The following DHX38 variants were observed in gnomAD, a reference collection of about 807,000 sequenced individuals.
The protein encoded by DHX38 is DEAH-box helicase 38, also known as pre-mRNA-splicing factor ATP-dependent RNA helicase PRP16.
In DHX38, 100 loss-of-function variants were observed where a neutral mutation model predicts 153.1. The ratio of observed to expected loss-of-function variants is 0.65; its 90% CI spans 0.56 to 0.77. The LOEUF (loss-of-function observed/expected upper bound fraction) is 0.77, where lower values mean the gene tolerates loss of function less well. DHX38 is among the 30% of genes least tolerant of loss of function. The pLI is 0.00. For synonymous variants in DHX38, 650 were observed against 631.7 expected (o/e 1.03, Z -0.43); for missense variants, 1,440 against 1,654.0 (o/e 0.87, Z 2.24).
intron 3 of DHX38, 176 bp from the exon 4 acceptor site, chr16:72,097,501 C>T (rs2042037462): frequency 1.8e-6 from 1 of 567,686 alleles, no homozygotes; most frequent in African/African-American, 1.9e-5. Flanking sequence ...TAGGCAGTAA[C>T]TATTTTTCCC....
chr16:72,108,661 A>G lies in DHX38; in HGVS notation c.3255+54A>G. ...CCAGCCTGATACCTGTATAAGGGCA[A>G]AGTTCTTCCTTTGTCCTGGTGTGGT... On this transcript the variant is annotated intron_variant, in intron 23 of 26. Coordinates refer to ENST00000268482, the MANE Select transcript of DHX38 (RefSeq NM_014003.4). The G allele has an allele frequency of 1.9e-6, 3 of 1,596,642 alleles. No individual in the cohort carries two copies. The South Asian group carries it at 3.4e-5, about 18-fold the overall frequency.
intron 24 of DHX38, 40 bp downstream of exon 24, chr16:72,108,965 T>G: frequency 6.4e-7 from 1 of 1,550,998 alleles, no homozygotes; most frequent in Admixed American, 2.0e-5. Flanking sequence ...GCAGGCCCCC[T>G]GTCTGGCCAG....
At chr16:72,108,443 C>T (rs2042212698) in intron 22 of DHX38, 30 bp from the exon 23 acceptor site, 2 of 1,613,594 alleles carry the variant, frequency 1.2e-6, no homozygotes, top group Non-Finnish European at 1.7e-6. Flanking sequence ...AAGGAGGGCT[C>T]CCTCCTGGTG....
Position 72,112,831 on chromosome 16 carries a change from A to G in DHX38, c.*334A>G, listed in dbSNP as rs1242367703. 5.7e-6 allele frequency: 4 copies of G among 702,498 alleles called. No individual in the cohort carries two copies. Among genetic ancestry groups the G allele is most frequent in the Non-Finnish European group, 1.0e-5 (4 of 384,836 alleles). 43.5% of individuals were successfully genotyped at this position (702,498 alleles called of 1,614,324 possible). On this transcript the variant is annotated 3_prime_UTR_variant, in exon 27 of 27. Transcript: ENST00000268482. ...GCTGTCTTTTTTAATCCTTGTGTAA[A>G]GCAGCAAAAAAGACCTAAAGGGAAT... is the stretch of plus-strand genomic sequence containing the variant.
intron 11 of DHX38, among the ~76,000 whole-genome samples, 199 bp from the exon 12 acceptor site, chr16:72,102,875 G>A (rs1288696075): frequency 6.6e-6 from 1 of 152,232 alleles, no homozygotes; most frequent in Non-Finnish European, 1.5e-5. Flanking sequence ...GGTGTCGAGT[G>A]TGTTGTGGAT....
At position 72,107,293 on chromosome 16, in the gene DHX38, C is replaced by T. The variant is rs746332075; in HGVS notation, c.2601-47C>T. On this transcript the variant is annotated intron_variant, in intron 19 of 26. Transcript: ENST00000268482. This position sits in a 1 kb window ranked among gnomAD's most constrained non-coding sequence, Gnocchi z 5.3. The stretch of plus-strand genomic sequence containing the variant: ...TGTGGGATTTCATCTGTACTGGCTG[C>T]TGTGGGGTTTCCTTGTGGTGAGAAG... The T allele has an allele frequency of 1.1e-5, 17 of 1,565,058 alleles. No homozygotes were observed. In the African/African-American group the frequency reaches 1.8e-4, roughly 16 times the overall value.
chr16:72,097,442 T>G, intron 3 of DHX38: 2 of 508,726 alleles, frequency 3.9e-6, no homozygotes, highest in Non-Finnish European at 7.1e-6. Context: ...CACTAGTATT[T>G]TTTGAATTCT....
Position 72,107,262 on chromosome 16 carries a change from C to A in DHX38, c.2601-78C>A. On this transcript the variant is annotated intron_variant, in intron 19 of 26. Transcript: ENST00000268482. This position sits in a 1 kb window ranked among gnomAD's most constrained non-coding sequence, Gnocchi z 5.3. ...GGGGAGAAGAAATGAGAATTTCCTC[C>A]CTCCCTGTGGGATTTCATCTGTACT... 2.8e-6 allele frequency: 4 copies of A among 1,425,646 alleles called. No individual in the cohort carries two copies. The highest frequency in any genetic ancestry group is 2.8e-6 in the Non-Finnish European group (3 of 1,060,274). 88.3% of individuals were successfully genotyped at this position (1,425,646 alleles called of 1,614,324 possible). A position where few individuals can be genotyped will look rare whatever the true frequency, so the allele number is the denominator to read the frequency against.
At chr16:72,101,000 G>A in intron 9 of DHX38, 86 bp from the exon 10 acceptor site, 1 of 1,272,446 alleles carries the variant, frequency 7.9e-7, no homozygotes, top group Non-Finnish European at 1.1e-6. Context: ...TGAGAGGGTA[G>A]CAGTCCCTTT....
chr16:72,099,747 T>G lies in DHX38; in HGVS notation c.976T>G (p.Trp326Gly), dbSNP rs1323489573. The change falls in exon 8 of 27, where the codon TGG becomes GGG. Residue 326 changes from tryptophan to glycine, a missense_variant. Physicochemically the swap from Trp to Gly is radical, Grantham distance 184 (BLOSUM62 -2). This residue lies in a region of DHX38 where 483 missense variants were observed against 465.1 expected (regional missense o/e 1.04). Transcript: ENST00000268482. ...TGCCCTGCAGCAAGCCGATCGGGAT[T>G]GGTACATGATGGACGAGGGCTATGA... ...EDDQRQADRD[W>G]YMMDEGYDEF... 6.2e-7 allele frequency: 1 copy of G among 1,614,014 alleles called. No individual in the cohort carries two copies. Among genetic ancestry groups the G allele is most frequent in the Non-Finnish European group, 8.5e-7 (1 of 1,180,006 alleles).
chr16:72,102,074 A>T (rs2042109350), intron 11 of DHX38, among the ~76,000 whole-genome samples: 1 of 152,196 alleles, frequency 6.6e-6, no homozygotes, highest in Non-Finnish European at 1.5e-5. Context: ...TTGGCCAGTG[A>T]CTTCTCTGCT....
intron 21 of DHX38, among the ~76,000 whole-genome samples, 167 bp from the exon 22 acceptor site, chr16:72,108,060 T>G (rs577532358): frequency 7.2e-5 from 11 of 152,248 alleles, no homozygotes; most frequent in African/African-American, 2.6e-4. Flanking sequence ...TGTTTTAGAG[T>G]AGACCTTTTT....
Position 72,107,564 on chromosome 16 carries a change from G to T in DHX38, c.2809+16G>T. On this transcript the variant is annotated intron_variant, in intron 20 of 26. Transcript: ENST00000268482. This position sits in a 1 kb window ranked among gnomAD's most constrained non-coding sequence, Gnocchi z 5.3. ...GACAACACAGGTGAGGCGGCCCCGG[G>T]AGCCTCATGGGTGCTGGCGCTTGAC... 6.2e-7 allele frequency: 1 copy of T among 1,610,560 alleles called. No individual in the cohort carries two copies. The highest frequency in any genetic ancestry group is 8.5e-7 in the Non-Finnish European group (1 of 1,177,094).
intron 12 of DHX38, 26 bp downstream of exon 12, chr16:72,103,237 C>G (rs1213264819): frequency 1.2e-6 from 2 of 1,608,906 alleles, no homozygotes; most frequent in Non-Finnish European, 1.7e-6. Context: ...GCCCAGGAAT[C>G]TAGTGTCAAG....
rs771446107 is a variant in DHX38 at position 72,097,718 on chromosome 16, G to C, written c.553G>C (p.Asp185His). The C allele has an allele frequency of 4.4e-5, 71 of 1,614,012 alleles. No homozygotes were observed. Among genetic ancestry groups the C allele is most frequent in the South Asian group, 4.2e-4 (38 of 91,082 alleles). ...RSRHSSRSERDGGSERSSRRN... is the reference protein window; with the variant it reads ...RSRHSSRSERHGGSERSSRRN... ...TAGGCACAGCAGCAGATCAGAGCGAGATGGAGGGTCAGAGCGTAGCAGCAG... is the reference window on the plus strand; with the variant it reads ...TAGGCACAGCAGCAGATCAGAGCGACATGGAGGGTCAGAGCGTAGCAGCAG... The change falls in exon 4 of 27, where the codon GAT becomes CAT. Residue 185 changes from aspartate (D) to histidine (H), a missense_variant. Transcript: ENST00000268482.
At chr16:72,103,279 C>G in intron 12 of DHX38, 68 bp downstream of exon 12, 1 of 1,558,394 alleles carries the variant, frequency 6.4e-7, no homozygotes, top group Non-Finnish European at 8.7e-7. Context: ...CATGTTTACC[C>G]AGGAGCTCTT....
In DHX38 at chr16:72,107,878, C is replaced by A; in HGVS notation, c.2964+79C>A. 6.5e-7 allele frequency: 1 copy of A among 1,532,428 alleles called. No homozygotes were observed. The highest frequency in any genetic ancestry group is 1.8e-5 in the Admixed American group (1 of 55,258). 94.9% of individuals were successfully genotyped at this position (1,532,428 alleles called of 1,614,324 possible). A position where few individuals can be genotyped will look rare whatever the true frequency, so the allele number is the denominator to read the frequency against. On this transcript the variant is annotated intron_variant, in intron 21 of 26. Coordinates refer to ENST00000268482, the MANE Select transcript of DHX38 (RefSeq NM_014003.4). The surrounding 1 kb of genome is among the most constrained non-coding windows in gnomAD (Gnocchi z 5.3). ...AGGGGAATGGCTTCTCTCTGTATTA[C>A]TGAAATGGAACAGAGGGCAGAATCA...
At position 72,101,094 on chromosome 16, in the gene DHX38, G is replaced by A. The variant is rs1131106; in HGVS notation, c.1287G>A (p.Pro429=). 135 of 1,614,210 alleles carry A rather than the reference G, an allele frequency of 8.4e-5. No homozygotes were observed. The African/African-American group carries it at 1.2e-3, about 15-fold the overall frequency. The change falls in exon 10 of 27, where the codon CCG becomes CCA. Residue 429 remains proline, a synonymous_variant. Coordinates refer to ENST00000268482, the MANE Select transcript of DHX38 (RefSeq NM_014003.4). ...TCTCCCCACTGCTGCAGCCGGAGCC[G>A]GTGATTCCAGTGAAGGATGCTACTT... ...GRIVFTKQPE[P]VIPVKDATSD... is the part of the protein sequence containing the mutation.
chr16:72,100,316 G>T, intron 8 of DHX38, 120 bp from the exon 9 acceptor site: 2 of 1,348,322 alleles, frequency 1.5e-6, no homozygotes, highest in Non-Finnish European at 1.0e-6. Context: ...AGAGGCCTGT[G>T]ACATCTTTGC....
Sources: allele counts gnomAD v4.1 joint callset (sites outside exome capture counted in the v4.1 genomes callset), GRCh38; gene constraint gnomAD v4.1.1; regional missense constraint gnomAD v4.1.1; non-coding constraint Gnocchi (gnomAD v3.1); transcripts MANE v1.5; gene names NCBI Gene and HGNC (gene_info 2026-07-23, HGNC 2026-07-21).